ZNF583: variants seen among roughly 807,000 people sequenced by gnomAD.
ZNF583 encodes zinc finger protein 583.
Under a neutral mutation model 55.3 loss-of-function variants are expected in ZNF583, and 30 were observed. That is an observed-to-expected ratio of 0.54 (90% CI 0.41 to 0.74). The LOEUF (loss-of-function observed/expected upper bound fraction) is 0.74. Ranked by LOEUF, ZNF583 falls within the 30% of genes least tolerant of loss-of-function variation. The probability of loss-of-function intolerance (pLI) is 0.00; values close to 1 mark genes in which losing one functional copy is unlikely to be tolerated. For synonymous variants in ZNF583, 208 were observed against 220.0 expected (o/e 0.95, Z 0.48); for missense variants, 504 against 664.7 (o/e 0.76, Z 2.66).
At position 56,423,776 on chromosome 19, in the gene ZNF583, T is replaced by C; in HGVS notation, c.1118T>C (p.Ile373Thr). The change falls in exon 5 of 5, where the codon ATT (isoleucine) becomes ACT (threonine). Residue 373 changes from isoleucine to threonine, a missense_variant. Coordinates refer to ENST00000333201, the MANE Select transcript of ZNF583 (RefSeq NM_152478.3). ...HRGYLIVHQR[I>T]HTGERPYECK... ...GGATACCTAATTGTACATCAGAGAA[T>C]TCATACTGGAGAGAGACCCTACGAA... 6.2e-7 allele frequency: 1 copy of C among 1,613,148 alleles called. No homozygotes were observed. The highest frequency in any genetic ancestry group is 8.5e-7 in the Non-Finnish European group (1 of 1,179,838).
At position 56,424,074 on chromosome 19, in the gene ZNF583, A is replaced by C. The variant is rs1290658122; in HGVS notation, c.1416A>C (p.Thr472=). ...ATATGTGTAAGGAATGTAGGAAAAC[A>C]TTTAGCCAGAATGCAGGCCTTGCTC... The part of the protein sequence containing the change: ...KPYMCKECRK[T]FSQNAGLAQH... Residue 472 remains threonine, a synonymous_variant, in exon 5 of 5, where the codon ACA becomes ACC. Coordinates refer to ENST00000333201, the MANE Select transcript of ZNF583 (RefSeq NM_152478.3). 1.9e-6 allele frequency: 3 copies of C among 1,612,254 alleles called. No homozygotes were observed. The highest frequency in any genetic ancestry group is 2.5e-6 in the Non-Finnish European group (3 of 1,179,468).
At position 56,425,942 on chromosome 19, in the gene ZNF583, G is replaced by A. The variant is rs907558022; in HGVS notation, c.*1574G>A. On this transcript the variant is annotated 3_prime_UTR_variant, in exon 5 of 5. Coordinates refer to ENST00000333201, the MANE Select transcript of ZNF583 (RefSeq NM_152478.3). ...TACTTCCTGACCCCAGAATTCTTTT[G>A]GCATATAATCAATGCAGTGATCAAT... is the stretch of plus-strand genomic sequence containing the variant. 6.6e-6 allele frequency: 1 copy of A among 151,918 alleles called. No individual in the cohort carries two copies. The highest frequency in any genetic ancestry group is 1.5e-5 in the Non-Finnish European group (1 of 67,986). 9.4% of individuals were successfully genotyped at this position (151,918 alleles called of 1,614,324 possible).
intron 1 of ZNF583, among the ~76,000 whole-genome samples, chr19:56,405,070 T>C (rs1272213434): frequency 6.6e-6 from 1 of 152,120 alleles, no homozygotes; most frequent in Non-Finnish European, 1.5e-5. Context: ...AGGCTATGTG[T>C]GGTTGTGTAC....
intron 4 of ZNF583, among the ~76,000 whole-genome samples, chr19:56,420,016 A>C (rs540327995): frequency 3.9e-5 from 6 of 152,216 alleles, no homozygotes; most frequent in Admixed American, 3.9e-4. Flanking sequence ...TTGAGGTGAC[A>C]TCTTAGATTA....
intron 1 of ZNF583, among the ~76,000 whole-genome samples, chr19:56,406,778 C>T (rs1174337212): frequency 1.3e-5 from 2 of 152,154 alleles, no homozygotes; most frequent in Non-Finnish European, 1.5e-5. Flanking sequence ...TCGCCAGCCT[C>T]GGCCTCCCAA....
At chr19:56,412,588 A>T (rs963595318) in intron 2 of ZNF583, among the ~76,000 whole-genome samples, 3 of 152,170 alleles carry the variant, frequency 2.0e-5, no homozygotes, top group Non-Finnish European at 4.4e-5. Context: ...AATTACTATT[A>T]TTTTGTCTCA....
chr19:56,422,049 G>GC (rs1297312503), intron 4 of ZNF583, among the ~76,000 whole-genome samples: 1 of 152,194 alleles, frequency 6.6e-6, no homozygotes, highest in Non-Finnish European at 1.5e-5. Context: ...TGCTCCTAAA[G>GC]TGGAAATAAA....
chr19:56,427,071 G>A lies in ZNF583; in HGVS notation c.*2703G>A, dbSNP rs796658728. On this transcript the variant is annotated 3_prime_UTR_variant, in exon 5 of 5. Transcript: ENST00000333201. ...CGAATGACCGAAGGGTTTTAAAAATGGAATCTAGTCTGCCCAAAGGATCCC... is the reference window on the plus strand; with the variant it reads ...CGAATGACCGAAGGGTTTTAAAAATAGAATCTAGTCTGCCCAAAGGATCCC... The A allele has an allele frequency of 3.9e-5, 6 of 152,170 alleles. No homozygotes were observed. Among genetic ancestry groups the A allele is most frequent in the African/African-American group, 1.4e-4 (6 of 41,514 alleles). The allele number at this position is 152,170 out of a possible 1,614,324, so 9.4% of individuals were successfully genotyped here.
chr19:56,410,271 G>C (rs753392507), intron 2 of ZNF583, among the ~76,000 whole-genome samples: 2 of 152,136 alleles, frequency 1.3e-5, no homozygotes, highest in African/African-American at 4.8e-5. Flanking sequence ...TCGTTGCTGG[G>C]TCAAAATAGT....
intron 2 of ZNF583, among the ~76,000 whole-genome samples, chr19:56,408,500 G>A (rs2042189749): frequency 6.6e-6 from 1 of 152,196 alleles, no homozygotes; most frequent in Non-Finnish European, 1.5e-5. Flanking sequence ...AGACAGCACA[G>A]TCTTAGGCTT....
intron 4 of ZNF583, among the ~76,000 whole-genome samples, chr19:56,419,808 T>A (rs1180382777): frequency 6.6e-6 from 1 of 152,180 alleles, no homozygotes; most frequent in Non-Finnish European, 1.5e-5. Context: ...TTAATGTTTT[T>A]AAAAAACAGC....
intron 2 of ZNF583, 28 bp downstream of exon 2, chr19:56,407,151 T>C: frequency 2.5e-6 from 4 of 1,613,548 alleles, no homozygotes; most frequent in Non-Finnish European, 3.4e-6. Context: ...CTCTCTTCCC[T>C]AAAATGCCAT....
Position 56,426,952 on chromosome 19 carries a change from AG to A in ZNF583, c.*2586del, listed in dbSNP as rs1413108754. ...TAAATGATTCTTAAAAAAAAAAAAAAGGTGAGGCTTTTGAGTGGATGAAATA... is the reference window on the plus strand; with the variant it reads ...TAAATGATTCTTAAAAAAAAAAAAAAGTGAGGCTTTTGAGTGGATGAAATA... On this transcript the variant is annotated 3_prime_UTR_variant, in exon 5 of 5. Coordinates refer to ENST00000333201, the MANE Select transcript of ZNF583 (RefSeq NM_152478.3). 1 of 151,166 alleles carries A rather than the reference AG, an allele frequency of 6.6e-6. No homozygotes were observed. Among genetic ancestry groups the A allele is most frequent in the Non-Finnish European group, 1.5e-5 (1 of 67,744 alleles). 9.4% of individuals were successfully genotyped at this position (151,166 alleles called of 1,614,324 possible). A position where few individuals can be genotyped will look rare whatever the true frequency, so the allele number is the denominator to read the frequency against.
At position 56,424,218 on chromosome 19, in the gene ZNF583, T is replaced by A. The variant is rs143451820; in HGVS notation, c.1560T>A (p.Tyr520Ter). ...GAATTCATACTGGAGAAAGACCCTATGAATGTAAAGATTGCAGGAAATCTT... is the reference window on the plus strand; with the variant it reads ...GAATTCATACTGGAGAAAGACCCTAAGAATGTAAAGATTGCAGGAAATCTT... ...HQRIHTGERP[Y>*]ECKDCRKSFR... The change falls in exon 5 of 5, where the codon TAT (tyrosine) becomes TAA (stop). Residue 520 changes from tyrosine to a stop codon, truncating the protein, a stop_gained. Transcript: ENST00000333201. LOFTEE classifies it high-confidence loss of function. 13 of 1,613,870 alleles carry A rather than the reference T, an allele frequency of 8.1e-6. No individual in the cohort carries two copies. Among genetic ancestry groups the A allele is most frequent in the Non-Finnish European group, 1.1e-5 (13 of 1,180,000 alleles).
In ZNF583 at chr19:56,424,001, G is replaced by A; in HGVS notation, c.1343G>A (p.Ser448Asn). The change falls in exon 5 of 5, where the codon AGT (serine) becomes AAT (asparagine). Residue 448 changes from serine (S) to asparagine (N), a missense_variant. Ser to Asn is a conservative substitution (Grantham distance 46, BLOSUM62 1). Coordinates refer to ENST00000333201, the MANE Select transcript of ZNF583 (RefSeq NM_152478.3). ...GAATGTGGGAAGGCCTTTAGCAATA[G>A]TTCATCACTTGCACAACATCAGAGA... Reference protein sequence around the residue: ...CIECGKAFSNSSSLAQHQRSH... With the variant: ...CIECGKAFSNNSSLAQHQRSH... The A allele has an allele frequency of 6.2e-7, 1 of 1,614,038 alleles. No homozygotes were observed. Among genetic ancestry groups the A allele is most frequent in the Non-Finnish European group, 8.5e-7 (1 of 1,179,986 alleles).
At chr19:56,410,951 G>T (rs1252962284) in intron 2 of ZNF583, among the ~76,000 whole-genome samples, 2 of 151,856 alleles carry the variant, frequency 1.3e-5, no homozygotes, top group Non-Finnish European at 2.9e-5. Flanking sequence ...AGGCATGGGG[G>T]TGAAAGACTT....
chr19:56,424,275 G>C lies in ZNF583; in HGVS notation c.1617G>C (p.Glu539Asp), dbSNP rs762316750. 2.5e-6 allele frequency: 4 copies of C among 1,613,982 alleles called. No individual in the cohort carries two copies. Among genetic ancestry groups the C allele is most frequent in the East Asian group, 2.2e-5 (1 of 44,856 alleles). The change falls in exon 5 of 5, where the codon GAG becomes GAC. Residue 539 changes from glutamate to aspartate, a missense_variant. By Grantham distance (45) the Glu-to-Asp change is conservative. Coordinates refer to ENST00000333201, the MANE Select transcript of ZNF583 (RefSeq NM_152478.3). Reference sequence around the variant, plus strand: ...AGCGTGCACATCTTGCTCATCATGAGAGAATTCATACTATGGAGTCATTCT... The same window carrying C: ...AGCGTGCACATCTTGCTCATCATGACAGAATTCATACTATGGAGTCATTCT... ...FRQRAHLAHH[E>D]RIHTMESFLT...
intron 4 of ZNF583, among the ~76,000 whole-genome samples, chr19:56,420,127 G>A (rs909364577): frequency 6.6e-6 from 1 of 152,024 alleles, no homozygotes; most frequent in Admixed American, 6.6e-5. Flanking sequence ...ATTTTGATAT[G>A]TTGTACTGTC....
At chr19:56,406,907 C>G (rs1429897141) in intron 1 of ZNF583, 119 bp from the exon 2 acceptor site, 1 of 548,800 alleles carries the variant, frequency 1.8e-6, no homozygotes, top group Non-Finnish European at 3.2e-6. Flanking sequence ...TCAGTGATAC[C>G]TCTAATTTAC....
Sources: gnomAD v4.1 joint callset for allele counts (sites outside exome capture counted in the v4.1 genomes callset) on GRCh38, gnomAD v4.1.1 for gene constraint, MANE v1.5 for transcripts, NCBI Gene and HGNC (gene_info 2026-07-23, HGNC 2026-07-21) for gene names.